Variants in CDC25C observed in about 807,000 individuals in gnomAD.
The protein encoded by CDC25C is cell division cycle 25C, also known as M-phase inducer phosphatase 3.
A neutral mutation model predicts 52.5 loss-of-function variants in CDC25C; 48 were observed. That is an observed-to-expected ratio of 0.91 (90% CI 0.72 to 1.16). The LOEUF (loss-of-function observed/expected upper bound fraction) is 1.16, where lower values mean the gene tolerates loss of function less well. CDC25C is among the 50% of genes most tolerant of loss of function. CDC25C has a pLI of 0.00. For missense variants in CDC25C, 510 were observed against 566.1 expected (o/e 0.90, Z 1.01); for synonymous variants, 187 against 206.5 (o/e 0.91, Z 0.81).
intron 7 of CDC25C, among the ~76,000 whole-genome samples, chr5:138,304,063 A>T (rs1340025517): frequency 2.0e-5 from 3 of 152,252 alleles, no homozygotes. Context: ...TTCAAACTGC[A>T]TATGACTAAA....
intron 8 of CDC25C, among the ~76,000 whole-genome samples, chr5:138,291,667 C>T: frequency 6.6e-6 from 1 of 151,910 alleles, no homozygotes; most frequent in Non-Finnish European, 1.5e-5. Flanking sequence ...AATCCGCCCG[C>T]CTCGGCCTCC....
rs772973906 is a variant in CDC25C at position 138,292,001 on chromosome 5, T to C, written c.731A>G (p.Lys244Arg). ...GAGCTTTCCTTGGCCAGAAAAATAC[T>C]TTTTTTTAACTTTATCTGGTATTGT... ...DNTIPDKVKKKYFSGQGKLRK... is the reference protein window; with the variant it reads ...DNTIPDKVKKRYFSGQGKLRK... The change falls in exon 8 of 14, where the codon AAG becomes AGG. Residue 244 changes from lysine to arginine, a missense_variant. Transcript: ENST00000323760. The C allele has an allele frequency of 5.6e-6, 9 of 1,596,450 alleles. No individual in the cohort carries two copies. Among genetic ancestry groups the C allele is most frequent in the African/African-American group, 4.0e-5 (3 of 74,378 alleles).
intron 2 of CDC25C, 67 bp downstream of exon 2, chr5:138,330,920 C>G (rs937458440): frequency 2.6e-6 from 3 of 1,175,584 alleles, no homozygotes; most frequent in East Asian, 4.7e-5. Context: ...GAAAACAAAC[C>G]AACAAACAAA....
chr5:138,286,407 A>G (rs1756234393), intron 12 of CDC25C, 90 bp downstream of exon 12: 2 of 1,341,218 alleles, frequency 1.5e-6, no homozygotes, highest in East Asian at 4.6e-5. Flanking sequence ...TTCAAACTGT[A>G]GAATCCAGTC....
intron 6 of CDC25C, among the ~76,000 whole-genome samples, chr5:138,321,771 A>AC (rs1759422193): frequency 6.7e-6 from 1 of 149,614 alleles, no homozygotes; most frequent in African/African-American, 2.4e-5. Flanking sequence ...AAAAAAAAAA[A>AC]AAAAAAAAAA....
intron 7 of CDC25C, among the ~76,000 whole-genome samples, chr5:138,306,224 G>T (rs1409765715): frequency 1.3e-5 from 2 of 151,912 alleles, no homozygotes; most frequent in African/African-American, 4.8e-5. Context: ...TTGCAACCAA[G>T]AACTCTAACT....
intron 7 of CDC25C, among the ~76,000 whole-genome samples, chr5:138,316,816 C>T (rs76093895): frequency 0.013 from 1,948 of 152,166 alleles, 41 homozygotes; most frequent in African/African-American, 0.044. Context: ...GAGCTGAATA[C>T]GGGATAAGAC....
intron 10 of CDC25C, among the ~76,000 whole-genome samples, chr5:138,288,957 C>G (rs987601633): frequency 6.6e-6 from 1 of 151,790 alleles, no homozygotes; most frequent in African/African-American, 2.4e-5. Flanking sequence ...TTCTTTCTCC[C>G]TTTTTTCTTA....
intron 10 of CDC25C, among the ~76,000 whole-genome samples, chr5:138,288,910 T>C (rs1000992797): frequency 4.6e-5 from 7 of 152,142 alleles, no homozygotes; most frequent in African/African-American, 1.7e-4. Context: ...GAGACCTTAA[T>C]TGAGACCATT....
chr5:138,290,237 C>T (rs978132947), intron 9 of CDC25C, among the ~76,000 whole-genome samples: 1 of 151,982 alleles, frequency 6.6e-6, no homozygotes, highest in Non-Finnish European at 1.5e-5. Flanking sequence ...AGAAAAAAAT[C>T]TGTAAGAATA....
intron 9 of CDC25C, among the ~76,000 whole-genome samples, chr5:138,290,275 AG>A (rs925657988): frequency 6.6e-6 from 1 of 151,846 alleles, no homozygotes; most frequent in Non-Finnish European, 1.5e-5. Flanking sequence ...CACAGACAGT[AG>A]GGGGGAAAAA....
chr5:138,318,039 A>C (rs1175677149), intron 7 of CDC25C, among the ~76,000 whole-genome samples: 6 of 152,008 alleles, frequency 3.9e-5, no homozygotes, highest in African/African-American at 1.4e-4. Context: ...CAGTCTAAAG[A>C]TAGGTTACGC....
intron 7 of CDC25C, among the ~76,000 whole-genome samples, chr5:138,316,487 G>A (rs1758881074): frequency 6.6e-6 from 1 of 152,160 alleles, no homozygotes; most frequent in Non-Finnish European, 1.5e-5. Flanking sequence ...AGGCTCCTGG[G>A]TAGAAGGGAG....
chr5:138,305,079 G>A (rs1223682603), intron 7 of CDC25C, among the ~76,000 whole-genome samples: 2 of 152,034 alleles, frequency 1.3e-5, no homozygotes. Flanking sequence ...TCCACCTGGG[G>A]CCTCTGTACC....
intron 7 of CDC25C, among the ~76,000 whole-genome samples, chr5:138,311,085 G>A (rs1163449025): frequency 6.6e-6 from 1 of 152,116 alleles, no homozygotes; most frequent in Non-Finnish European, 1.5e-5. Context: ...ATGAAGAAAG[G>A]AGAGTTTTTT....
At chr5:138,338,295 T>C (rs568177872) in exon 1 of CDC25C, 112 of 678,468 alleles carry the variant, frequency 1.7e-4, no homozygotes, top group South Asian at 1.4e-3. Flanking sequence ...CCCTGGGAGC[T>C]GGAGGAACCG....
chr5:138,285,649 G>A lies in CDC25C; in HGVS notation c.*43C>T. On this transcript the variant is annotated 3_prime_UTR_variant, in exon 14 of 14. Transcript: ENST00000323760. The stretch of plus-strand genomic sequence containing the variant: ...CCTCTTTCTGCTCAGGGTTTCTGCA[G>A]TGTCTTTTGGTGACTTGTTAGCAGC... The A allele has an allele frequency of 1.3e-6, 2 of 1,595,258 alleles. No homozygotes were observed. Among genetic ancestry groups the A allele is most frequent in the Non-Finnish European group, 1.7e-6 (2 of 1,166,782 alleles).
rs11568008 is a variant in CDC25C at position 138,285,654 on chromosome 5, T to C, written c.*38A>G. ...TTCTGCTCAGGGTTTCTGCAGTGTC[T>C]TTTGGTGACTTGTTAGCAGCCAGTG... On this transcript the variant is annotated 3_prime_UTR_variant, in exon 14 of 14. Transcript: ENST00000323760. 14,958 of 1,605,050 alleles carry C rather than the reference T, an allele frequency of 9.3e-3. 106 individuals are homozygous for C. Among genetic ancestry groups the C allele is most frequent in the Non-Finnish European group, 0.011 (13,103 of 1,174,210 alleles).
At chr5:138,310,918 T>C (rs1380674668) in intron 7 of CDC25C, among the ~76,000 whole-genome samples, 2 of 152,210 alleles carry the variant, frequency 1.3e-5, no homozygotes, top group Non-Finnish European at 2.9e-5. Context: ...ATTTGTGAAA[T>C]TAAAGATTTA....
Sources: gnomAD v4.1 joint callset for allele counts (sites outside exome capture counted in the v4.1 genomes callset) on GRCh38, gnomAD v4.1.1 for gene constraint, MANE v1.5 for transcripts, NCBI Gene and HGNC (gene_info 2026-07-23, HGNC 2026-07-21) for gene names.